BTBD9: variants seen among roughly 807,000 people sequenced by gnomAD.
The protein encoded by BTBD9 is BTB domain containing 9.
BTBD9 carries 49 observed loss-of-function variants against 64.3 expected under a neutral mutation model. The ratio of observed to expected loss-of-function variants is 0.76; its 90% CI spans 0.61 to 0.97. The LOEUF (loss-of-function observed/expected upper bound fraction) is 0.97. BTBD9 is among the 50% of genes least tolerant of loss of function. BTBD9 has a pLI of 0.00. For synonymous variants in BTBD9, 260 were observed against 274.7 expected (o/e 0.95, Z 0.53); for missense variants, 598 against 762.1 (o/e 0.78, Z 2.53).
intron 6 of BTBD9, among the ~76,000 whole-genome samples, chr6:38,386,075 T>C (rs755836080): frequency 7.9e-5 from 12 of 152,206 alleles, no homozygotes; most frequent in Non-Finnish European, 1.8e-4. Flanking sequence ...ATTGCAGGCG[T>C]GAGCCACCAC....
intron 7 of BTBD9, among the ~76,000 whole-genome samples, chr6:38,295,814 G>A (rs954951020): frequency 3.3e-5 from 5 of 152,032 alleles, no homozygotes; most frequent in African/African-American, 7.2e-5. Context: ...TTTGGGAGGC[G>A]GAGGCAGGCG....
chr6:38,394,845 T>G (rs982767219), intron 6 of BTBD9, among the ~76,000 whole-genome samples: 1 of 152,100 alleles, frequency 6.6e-6, no homozygotes, highest in Admixed American at 6.5e-5. Context: ...GAAAAATGAA[T>G]CTCTCAATCC....
Position 38,345,069 on chromosome 6 carries a change from G to T in BTBD9, c.1179C>A (p.His393Gln). ...TGTGAAAAATCTTGTTCACTGTGTT[G>T]TGAGTCCCAACAATTCGAATATACC... ...VCRYIRIVGT[H>Q]NTVNKIFHIV... The change falls in exon 7 of 11, where the codon CAC (histidine) becomes CAA (glutamine). Residue 393 changes from histidine to glutamine, a missense_variant. Physicochemically the swap from His to Gln is conservative, Grantham distance 24. Coordinates refer to ENST00000481247, the MANE Select transcript of BTBD9 (RefSeq NM_001099272.2). 1 of 1,607,886 alleles carries T rather than the reference G, an allele frequency of 6.2e-7. No homozygotes were observed. The highest frequency in any genetic ancestry group is 2.2e-5 in the East Asian group (1 of 44,822).
chr6:38,425,788 G>A (rs1316082893), intron 6 of BTBD9, among the ~76,000 whole-genome samples: 2 of 151,288 alleles, frequency 1.3e-5, no homozygotes, highest in African/African-American at 4.9e-5. Flanking sequence ...TTGGTGGTGT[G>A]TGCCTATAGT....
chr6:38,511,804 T>A (rs1772788611), intron 6 of BTBD9, among the ~76,000 whole-genome samples: 1 of 152,162 alleles, frequency 6.6e-6, no homozygotes, highest in Non-Finnish European at 1.5e-5. Flanking sequence ...AAGATTTGCT[T>A]GCATAGATGA....
intron 1 of BTBD9, among the ~76,000 whole-genome samples, chr6:38,617,031 C>T (rs1777815020): frequency 6.6e-6 from 1 of 152,102 alleles, no homozygotes; most frequent in Non-Finnish European, 1.5e-5. Flanking sequence ...CCTATTTTTC[C>T]TTAGAATTCA....
At chr6:38,308,871 C>T (rs1762724189) in intron 7 of BTBD9, among the ~76,000 whole-genome samples, 1 of 151,882 alleles carries the variant, frequency 6.6e-6, no homozygotes, top group African/African-American at 2.4e-5. Flanking sequence ...ATTTCTCTTG[C>T]CTCAGCCCCC....
At chr6:38,442,661 CTTTTTTTTTTT>C (rs11313452) in intron 6 of BTBD9, among the ~76,000 whole-genome samples, 6 of 57,538 alleles carry the variant, frequency 1.0e-4, no homozygotes, top group Admixed American at 2.5e-4. Flanking sequence ...CATTTGTACT[CTTTTTTTTTTT>C]TTTTTTTTTT....
chr6:38,174,991 G>A lies in BTBD9; in HGVS notation c.1833C>T (p.His611=), dbSNP rs746852318. The change falls in exon 11 of 11, where the codon CAC becomes CAT. Residue 611 remains histidine (H), a synonymous_variant. Coordinates refer to ENST00000481247, the MANE Select transcript of BTBD9 (RefSeq NM_001099272.2). The stretch of plus-strand genomic sequence containing the variant: ...ACCAGGCCCGCTGCCTCCTTTATTG[G>A]TGCTGCCGGTTGGGGGAGCGTGAGT... ...GSNSRSPNRQ[H]Q is the part of the protein sequence containing the mutation. 12 of 1,613,754 alleles carry A rather than the reference G, an allele frequency of 7.4e-6. No individual in the cohort carries two copies. Among genetic ancestry groups the A allele is most frequent in the African/African-American group, 2.7e-5 (2 of 74,942 alleles).
intron 6 of BTBD9, among the ~76,000 whole-genome samples, chr6:38,422,334 C>G (rs888984301): frequency 3.3e-5 from 5 of 152,178 alleles, no homozygotes; most frequent in Non-Finnish European, 5.9e-5. Flanking sequence ...GTGCCCCTTC[C>G]TACAACCCAT....
intron 1 of BTBD9, among the ~76,000 whole-genome samples, chr6:38,612,259 G>A (rs545605600): frequency 6.6e-6 from 1 of 152,318 alleles, no homozygotes; most frequent in East Asian, 1.9e-4. Flanking sequence ...TGAAATAAGT[G>A]ATTCACATAG....
intron 6 of BTBD9, among the ~76,000 whole-genome samples, chr6:38,506,392 T>C (rs1772517244): frequency 6.6e-6 from 1 of 152,260 alleles, no homozygotes; most frequent in Non-Finnish European, 1.5e-5. Context: ...GATGCTCATA[T>C]AATTTACTGA....
In BTBD9 at chr6:38,207,733, T is replaced by C. The variant is rs546924307; in HGVS notation, c.1563-15136A>G. Among the ~76,000 whole-genome samples the C allele has an allele frequency of 8.1e-4, 123 of 152,270 alleles. No individual in the cohort carries two copies. In the South Asian group the frequency reaches 0.01, roughly 13 times the overall value. ...TATATACTTGTTTATGCATAAACTA[T>C]CTCTGAAGGAAAAGGTAGGAGGGAA... On this transcript the variant is annotated intron_variant, in intron 9 of 10. Coordinates refer to ENST00000481247, the MANE Select transcript of BTBD9 (RefSeq NM_001099272.2).
rs867298830 is a variant in BTBD9 at position 38,173,862 on chromosome 6, T to G, written c.*1123A>C. Reference sequence around the variant, plus strand: ...CAGCACTGGAATGGAAATCACTAAGTAGGAGACGGAGCCACATCAAGCCAC... The same window carrying G: ...CAGCACTGGAATGGAAATCACTAAGGAGGAGACGGAGCCACATCAAGCCAC... On this transcript the variant is annotated 3_prime_UTR_variant, in exon 11 of 11. Transcript: ENST00000481247. The G allele has an allele frequency of 2.6e-5, 4 of 152,224 alleles. No homozygotes were observed. Among genetic ancestry groups the G allele is most frequent in the Non-Finnish European group, 5.9e-5 (4 of 68,066 alleles). The allele number at this position is 152,224 out of a possible 1,614,324, so 9.4% of individuals were successfully genotyped here.
At chr6:38,271,596 A>T (rs1765197029) in intron 8 of BTBD9, among the ~76,000 whole-genome samples, 1 of 152,172 alleles carries the variant, frequency 6.6e-6, no homozygotes, top group African/African-American at 2.4e-5. Flanking sequence ...GCAGGGTCGA[A>T]TAGTTGCACC....
At chr6:38,421,399 GCAAGATTATTTAGAAGA>G (rs1449622541) in intron 6 of BTBD9, among the ~76,000 whole-genome samples, 2 of 152,034 alleles carry the variant, frequency 1.3e-5, no homozygotes, top group East Asian at 3.9e-4. Context: ...GTAATAGGAG[GCAAGATTATTTAGAAGA>G]CAAGATTATT....
intron 7 of BTBD9, among the ~76,000 whole-genome samples, chr6:38,336,722 C>T (rs1320073407): frequency 2.6e-5 from 4 of 152,160 alleles, no homozygotes; most frequent in Non-Finnish European, 5.9e-5. Flanking sequence ...TTCCTGATAC[C>T]AGTACCCCAG....
intron 7 of BTBD9, among the ~76,000 whole-genome samples, chr6:38,335,854 C>T (rs1265181068): frequency 6.6e-6 from 1 of 152,194 alleles, no homozygotes; most frequent in Non-Finnish European, 1.5e-5. Context: ...CTGCCTTAGC[C>T]TCCCGAGTAG....
chr6:38,513,757 C>A (rs993149528), intron 6 of BTBD9, among the ~76,000 whole-genome samples: 5 of 152,266 alleles, frequency 3.3e-5, no homozygotes, highest in Admixed American at 6.5e-5. Context: ...TAGACATATT[C>A]AAGTGGTGGC....
Sources: gnomAD v4.1 joint callset for allele counts (sites outside exome capture counted in the v4.1 genomes callset) on GRCh38, gnomAD v4.1.1 for gene constraint, MANE v1.5 for transcripts, NCBI Gene and HGNC (gene_info 2026-07-23, HGNC 2026-07-21) for gene names.